The following ZCWPW2 variants were observed in gnomAD, a reference collection of about 807,000 sequenced individuals.
ZCWPW2 encodes the protein zinc finger CW-type and PWWP domain containing 2.
Under a neutral mutation model 46.6 loss-of-function variants are expected in ZCWPW2, and 45 were observed. That is an observed-to-expected ratio of 0.96 (90% confidence interval 0.76 to 1.24). ZCWPW2 has a LOEUF of 1.24. Ranked by LOEUF, ZCWPW2 falls within the 50% of genes most tolerant of loss-of-function variation. The pLI, the probability that ZCWPW2 is intolerant of heterozygous loss-of-function variation, is 0.00. For missense variants in ZCWPW2, 429 were observed against 403.9 expected, an observed-to-expected ratio of 1.06 and a Z score of -0.53; for synonymous variants, 152 against 137.1, an observed-to-expected ratio of 1.11 and a Z score of -0.76.
intron 5 of ZCWPW2, among the ~76,000 whole-genome samples, chr3:28,482,368 T>C (rs1022016597): frequency 2.0e-5 from 3 of 151,806 alleles, no homozygotes; most frequent in Non-Finnish European, 2.9e-5. Flanking sequence ...CCATTGTCTG[T>C]ATGTGCCGTG....
At chr3:28,385,966 C>A (rs1388668332) in intron 1 of ZCWPW2, among the ~76,000 whole-genome samples, 23 of 147,566 alleles carry the variant, frequency 1.6e-4, no homozygotes, top group Admixed American at 1.6e-3. Context: ...TACATTGTAT[C>A]CTTTAGCAAC....
chr3:28,407,335 G>A (rs938566482), intron 2 of ZCWPW2, among the ~76,000 whole-genome samples: 7 of 152,064 alleles, frequency 4.6e-5, no homozygotes, highest in African/African-American at 1.7e-4. Context: ...ATGGAACTTG[G>A]TATCTATGTT....
In ZCWPW2 at chr3:28,435,236, A is replaced by G; in HGVS notation, c.459A>G (p.Ala153=). The part of the protein sequence containing the change: ...GDPHSRSWIK[A]TFVGHYSITL... ...CCCATTCAAGATCATGGATAAAGGC[A>G]ACATTCGTTGGACATTATAGTATCA... Residue 153 remains alanine (A), a synonymous_variant, in exon 4 of 10, where the codon GCA becomes GCG. Transcript: ENST00000383768. 6.2e-7 allele frequency: 1 copy of G among 1,613,314 alleles called. No homozygotes were observed. Among genetic ancestry groups the G allele is most frequent in the Non-Finnish European group, 8.5e-7 (1 of 1,179,862 alleles).
At chr3:28,458,110 A>G (rs1698490524) in intron 4 of ZCWPW2, among the ~76,000 whole-genome samples, 1 of 152,186 alleles carries the variant, frequency 6.6e-6, no homozygotes, top group South Asian at 2.1e-4. Flanking sequence ...AGGCATTAGA[A>G]TTACCTTGTA....
At chr3:28,523,847 C>T (rs1162933501) in intron 9 of ZCWPW2, among the ~76,000 whole-genome samples, 1 of 151,896 alleles carries the variant, frequency 6.6e-6, no homozygotes, top group East Asian at 1.9e-4. Context: ...GGCAAGCAAT[C>T]GGAGGAAATA....
intron 4 of ZCWPW2, among the ~76,000 whole-genome samples, chr3:28,467,396 C>A (rs1698866256): frequency 1.3e-5 from 2 of 152,020 alleles, no homozygotes; most frequent in African/African-American, 4.8e-5. Context: ...TACGTACTAA[C>A]ACAGGACTTG....
intron 5 of ZCWPW2, among the ~76,000 whole-genome samples, chr3:28,489,216 C>A (rs1699713370): frequency 6.6e-6 from 1 of 152,080 alleles, no homozygotes; most frequent in African/African-American, 2.4e-5. Context: ...GATACATAGA[C>A]TCCAATTTTA....
chr3:28,450,791 G>A (rs936374359), intron 4 of ZCWPW2, among the ~76,000 whole-genome samples: 4 of 152,072 alleles, frequency 2.6e-5, no homozygotes, highest in Non-Finnish European at 4.4e-5. Flanking sequence ...GTATTATGAC[G>A]TTTACCCATA....
At chr3:28,485,658 A>G (rs980122449) in intron 5 of ZCWPW2, among the ~76,000 whole-genome samples, 2 of 152,150 alleles carry the variant, frequency 1.3e-5, no homozygotes, top group African/African-American at 4.8e-5. Context: ...ATTCTTGATA[A>G]CTAAACTTGC....
intron 1 of ZCWPW2, among the ~76,000 whole-genome samples, chr3:28,387,847 A>T (rs1336001068): frequency 6.6e-6 from 1 of 152,184 alleles, no homozygotes; most frequent in Non-Finnish European, 1.5e-5. Context: ...AGAGTGTGCA[A>T]TAAAGAAGGA....
intron 1 of ZCWPW2, among the ~76,000 whole-genome samples, chr3:28,387,170 C>G (rs1157784920): frequency 6.6e-6 from 1 of 152,126 alleles, no homozygotes; most frequent in East Asian, 1.9e-4. Context: ...TTCCCAGATC[C>G]CTCCAATATT....
At chr3:28,454,434 C>T (rs1698348518) in intron 4 of ZCWPW2, among the ~76,000 whole-genome samples, 1 of 152,088 alleles carries the variant, frequency 6.6e-6, no homozygotes, top group African/African-American at 2.4e-5. Context: ...AGTGTTATTC[C>T]CTTTCATGAG....
intron 1 of ZCWPW2, among the ~76,000 whole-genome samples, chr3:28,365,506 A>G (rs1705092661): frequency 7.1e-6 from 1 of 140,824 alleles, no homozygotes; most frequent in Admixed American, 7.6e-5. Flanking sequence ...GTTAGTCTAT[A>G]TCTCCGTTTT....
chr3:28,385,204 T>C (rs1447859426), intron 1 of ZCWPW2, among the ~76,000 whole-genome samples: 1 of 152,136 alleles, frequency 6.6e-6, no homozygotes, highest in African/African-American at 2.4e-5. Context: ...GTTGAAACAG[T>C]ATTTAATTTA....
At chr3:28,449,733 T>C (rs899904317) in intron 4 of ZCWPW2, among the ~76,000 whole-genome samples, 1 of 152,214 alleles carries the variant, frequency 6.6e-6, no homozygotes, top group Non-Finnish European at 1.5e-5. Flanking sequence ...GTATTTATAT[T>C]ACTCTAGTAA....
intron 5 of ZCWPW2, among the ~76,000 whole-genome samples, chr3:28,488,325 C>G (rs1265570519): frequency 6.6e-6 from 1 of 152,152 alleles, no homozygotes; most frequent in Non-Finnish European, 1.5e-5. Flanking sequence ...CCTGTGACCC[C>G]ACTTCTCCAA....
chr3:28,385,292 C>T (rs1305953123), intron 1 of ZCWPW2, among the ~76,000 whole-genome samples: 2 of 152,102 alleles, frequency 1.3e-5, no homozygotes, highest in East Asian at 3.9e-4. Context: ...CTGAAGCAGA[C>T]AGTGCATAGC....
chr3:28,357,922 G>A (rs187468710), intron 1 of ZCWPW2, among the ~76,000 whole-genome samples: 8 of 151,418 alleles, frequency 5.3e-5, no homozygotes, highest in Admixed American at 4.6e-4. Context: ...GTTTCCTAGA[G>A]TGAAGACAAA....
intron 5 of ZCWPW2, among the ~76,000 whole-genome samples, chr3:28,483,541 T>C (rs12054477): frequency 0.18 from 27,775 of 152,170 alleles, 3,287 homozygotes; most frequent in East Asian, 0.63. Flanking sequence ...GCATTTTTAT[T>C]GGGATTATAT....
Sources: gnomAD v4.1 joint callset for allele counts (sites outside exome capture counted in the v4.1 genomes callset) on GRCh38, gnomAD v4.1.1 for gene constraint, MANE v1.5 for transcripts, NCBI Gene and HGNC (gene_info 2026-07-23, HGNC 2026-07-21) for gene names.